Variants in OR10Q1 observed in about 807,000 individuals in gnomAD.
OR10Q1 encodes the protein olfactory receptor family 10 subfamily Q member 1, also known as olfactory receptor 10Q1.
For missense variants in OR10Q1, 435 were observed against 414.0 expected (o/e 1.05, Z -0.44); for synonymous variants, 211 against 180.5 (o/e 1.17, Z -1.35).
In OR10Q1 at chr11:58,228,040, A is replaced by G; in HGVS notation, c.836T>C (p.Ile279Thr). 1 of 1,614,084 alleles carries G rather than the reference A, an allele frequency of 6.2e-7. No individual in the cohort carries two copies. The highest frequency in any genetic ancestry group is 8.5e-7 in the Non-Finnish European group (1 of 1,180,036). Reference sequence around the variant, plus strand: ...GGTGACAAAGGTGTAGACCAACGCGATTTGGCTGTCCTCATCCTCTGAGGT... The same window carrying G: ...GGTGACAAAGGTGTAGACCAACGCGGTTTGGCTGTCCTCATCCTCTGAGGT... ...SSTSEDEDSQ[I>T]ALVYTFVTPL... The change falls in exon 1 of 1, where the codon ATC (isoleucine) becomes ACC (threonine). Residue 279 changes from isoleucine (I) to threonine (T), a missense_variant. Physicochemically the swap from Ile to Thr is moderately conservative, Grantham distance 89. Transcript: ENST00000316770.
At position 58,228,650 on chromosome 11, in the gene OR10Q1, AG is replaced by A; in HGVS notation, c.225del (p.Cys76AlafsTer6). The A allele has an allele frequency of 6.2e-7, 1 of 1,614,178 alleles. No homozygotes were observed. The highest frequency in any genetic ancestry group is 2.2e-5 in the East Asian group (1 of 44,852). On this transcript the variant is annotated frameshift_variant, in exon 1 of 1. Coordinates refer to ENST00000316770, the MANE Select transcript of OR10Q1 (RefSeq NM_001004471.2). LOFTEE classifies it low-confidence loss of function (END_TRUNC). ...FFLSNLSFLE[L>X]CYTTVVVPLM... ...AAGGGTACTACCACGGTGGTGTAGC[AG>A]AGTTCCAGGAAAGACAGGTTGGACA... is the stretch of plus-strand genomic sequence containing the variant.
Position 58,227,964 on chromosome 11 carries a change from A to C in OR10Q1, c.912T>G (p.Gly304=), listed in dbSNP as rs1458407692. The C allele has an allele frequency of 1.9e-6, 3 of 1,614,060 alleles. No individual in the cohort carries two copies. The highest frequency in any genetic ancestry group is 2.5e-6 in the Non-Finnish European group (3 of 1,179,982). ...LYSLRNKDVK[G]ALRSAIIRKA... ...TACGGATAATGGCACTCCTCAGAGC[A>C]CCTTTGACATCCTTGTTCCTAAGGC... Residue 304 remains glycine, a synonymous_variant, in exon 1 of 1, where the codon GGT becomes GGG. Coordinates refer to ENST00000316770, the MANE Select transcript of OR10Q1 (RefSeq NM_001004471.2).
Position 58,228,723 on chromosome 11 carries a change from C to A in OR10Q1, c.153G>T (p.Trp51Cys). 1 of 1,613,718 alleles carries A rather than the reference C, an allele frequency of 6.2e-7. No individual in the cohort carries two copies. ...MILCGNTAII[W>C]VVCTHSTLRT... ...GGAGGGTGCTGTGTGTGCACACCAC[C>A]CAGATGATGGCTGTGTTGCCACAGA... Residue 51 changes from tryptophan (W) to cysteine (C), a missense_variant, in exon 1 of 1, where the codon TGG becomes TGT. Trp to Cys is a radical substitution (Grantham distance 215). Coordinates refer to ENST00000316770, the MANE Select transcript of OR10Q1 (RefSeq NM_001004471.2).
Position 58,228,462 on chromosome 11 carries a change from G to A in OR10Q1, c.414C>T (p.Leu138=). 2 of 1,614,186 alleles carry A rather than the reference G, an allele frequency of 1.2e-6. No homozygotes were observed. The highest frequency in any genetic ancestry group is 1.7e-6 in the Non-Finnish European group (2 of 1,180,036). ...VAICHPLHYT[L]IMTRELCTQM... is the part of the protein sequence containing the mutation. ...GCGTGCACAGCTCGCGGGTCATGAT[G>A]AGGGTGTAGTGCAGCGGGTGGCAGA... The change falls in exon 1 of 1, where the codon CTC becomes CTT. Residue 138 remains leucine, a synonymous_variant. Coordinates refer to ENST00000316770, the MANE Select transcript of OR10Q1 (RefSeq NM_001004471.2).
rs1174140423 is a variant in OR10Q1, at chr11:58,228,715, C to G, written c.161G>C (p.Cys54Ser). The G allele has an allele frequency of 6.2e-7, 1 of 1,613,884 alleles. No individual in the cohort carries two copies. The highest frequency in any genetic ancestry group is 8.5e-7 in the Non-Finnish European group (1 of 1,179,998). ...CGNTAIIWVV[C>S]THSTLRTPMY... ...CGGGGTGCGGAGGGTGCTGTGTGTGCACACCACCCAGATGATGGCTGTGTT... is the reference window on the plus strand; with the variant it reads ...CGGGGTGCGGAGGGTGCTGTGTGTGGACACCACCCAGATGATGGCTGTGTT... The change falls in exon 1 of 1, where the codon TGC becomes TCC. Residue 54 changes from cysteine to serine, a missense_variant. Cys to Ser is a moderately radical substitution (Grantham distance 112). Coordinates refer to ENST00000316770, the MANE Select transcript of OR10Q1 (RefSeq NM_001004471.2).
Position 58,228,726 on chromosome 11 carries a change from G to A in OR10Q1, c.150C>T (p.Ile50=). 13 of 1,614,022 alleles carry A rather than the reference G, an allele frequency of 8.1e-6. No individual in the cohort carries two copies. The highest frequency in any genetic ancestry group is 1.1e-5 in the Non-Finnish European group (13 of 1,180,026). Residue 50 remains isoleucine (I), a synonymous_variant, in exon 1 of 1, where the codon ATC becomes ATT. Transcript: ENST00000316770. ...GGGTGCTGTGTGTGCACACCACCCA[G>A]ATGATGGCTGTGTTGCCACAGAGGA... ...LMILCGNTAI[I]WVVCTHSTLR...
Position 58,228,063 on chromosome 11 carries a change from G to A in OR10Q1, c.813C>T (p.Thr271=). ...CGATTTGGCTGTCCTCATCCTCTGA[G>A]GTGCTGGACCGAGGACGCAGGTACA... is the stretch of plus-strand genomic sequence containing the variant. ...SLVYLRPRSS[T]SEDEDSQIAL... The change falls in exon 1 of 1, where the codon ACC becomes ACT. Residue 271 remains threonine, a synonymous_variant. Coordinates refer to ENST00000316770, the MANE Select transcript of OR10Q1 (RefSeq NM_001004471.2). 6.2e-7 allele frequency: 1 copy of A among 1,614,192 alleles called. No homozygotes were observed. The highest frequency in any genetic ancestry group is 8.5e-7 in the Non-Finnish European group (1 of 1,180,032).
Position 58,228,412 on chromosome 11 carries a change from A to G in OR10Q1, c.464T>C (p.Leu155Pro). Residue 155 changes from leucine (L) to proline (P), a missense_variant, in exon 1 of 1, where the codon CTG becomes CCG. By Grantham distance (98) the Leu-to-Pro change is moderately conservative (BLOSUM62 -3). Coordinates refer to ENST00000316770, the MANE Select transcript of OR10Q1 (RefSeq NM_001004471.2). ...GAGCTGCAGGGAGGGGAAGAGGGCC[A>G]GGCCCAGGGCCCCACCCAGCATCTG... ...CTQMLGGALG[L>P]ALFPSLQLTA... 6.2e-7 allele frequency: 1 copy of G among 1,614,080 alleles called. No homozygotes were observed. The highest frequency in any genetic ancestry group is 8.5e-7 in the Non-Finnish European group (1 of 1,180,014).
At position 58,228,661 on chromosome 11, in the gene OR10Q1, A is replaced by T. The variant is rs1224149603; in HGVS notation, c.215T>A (p.Phe72Tyr). 1 of 1,614,002 alleles carries T rather than the reference A, an allele frequency of 6.2e-7. No individual in the cohort carries two copies. The highest frequency in any genetic ancestry group is 1.7e-5 in the Admixed American group (1 of 59,996). Reference protein sequence around the residue: ...PMYFFLSNLSFLELCYTTVVV... With the variant: ...PMYFFLSNLSYLELCYTTVVV... ...CACGGTGGTGTAGCAGAGTTCCAGG[A>T]AAGACAGGTTGGACAGGAAGAAATA... The change falls in exon 1 of 1, where the codon TTC becomes TAC. Residue 72 changes from phenylalanine (F) to tyrosine (Y), a missense_variant. Physicochemically the swap from Phe to Tyr is conservative, Grantham distance 22. Coordinates refer to ENST00000316770, the MANE Select transcript of OR10Q1 (RefSeq NM_001004471.2).
At position 58,228,600 on chromosome 11, in the gene OR10Q1, G is replaced by A. The variant is rs776120028; in HGVS notation, c.276C>T (p.Ala92=). 3 of 1,614,148 alleles carry A rather than the reference G, an allele frequency of 1.9e-6. No homozygotes were observed. The highest frequency in any genetic ancestry group is 1.1e-5 in the South Asian group (1 of 91,072). The change falls in exon 1 of 1, where the codon GCC becomes GCT. Residue 92 remains alanine, a synonymous_variant. Coordinates refer to ENST00000316770, the MANE Select transcript of OR10Q1 (RefSeq NM_001004471.2). The part of the protein sequence containing the change: ...VPLMLSNILG[A]QKPISLAGCG... ...ATCCAGCCAACGAAATGGGCTTCTGGGCCCCCAAAATGTTGGAAAGCATCA... is the reference window on the plus strand; with the variant it reads ...ATCCAGCCAACGAAATGGGCTTCTGAGCCCCCAAAATGTTGGAAAGCATCA...
In OR10Q1 at chr11:58,228,236, T is replaced by C. The variant is rs752193747; in HGVS notation, c.640A>G (p.Ile214Val). ...LYVVSILVLTIPFLLICVSYV... is the reference protein window; with the variant it reads ...LYVVSILVLTVPFLLICVSYV... Reference sequence around the variant, plus strand: ...GAGACGCAGATGAGCAGGAAGGGGATGGTCAGCACGAGGATGCTCACGACA... The same window carrying C: ...GAGACGCAGATGAGCAGGAAGGGGACGGTCAGCACGAGGATGCTCACGACA... The change falls in exon 1 of 1, where the codon ATC (isoleucine) becomes GTC (valine). Residue 214 changes from isoleucine (I) to valine (V), a missense_variant. Physicochemically the swap from Ile to Val is conservative, Grantham distance 29. Coordinates refer to ENST00000316770, the MANE Select transcript of OR10Q1 (RefSeq NM_001004471.2). The C allele has an allele frequency of 8.0e-5, 129 of 1,613,696 alleles. No individual in the cohort carries two copies. The highest frequency in any genetic ancestry group is 1.0e-4 in the Non-Finnish European group (120 of 1,180,016).
In OR10Q1 at chr11:58,228,165, C is replaced by T. The variant is rs545991565; in HGVS notation, c.711G>A (p.Glu237=). 1.4e-5 allele frequency: 22 copies of T among 1,614,094 alleles called. No individual in the cohort carries two copies. Among genetic ancestry groups the T allele is most frequent in the Non-Finnish European group, 1.8e-5 (21 of 1,180,010 alleles). ...TCAILSIRSA[E]GRRRAFSTCS... ...AGGTGGAGAAGGCCCGGCGGCGGCCCTCGGCAGAACGGATGCTCAGGATGG... is the reference window on the plus strand; with the variant it reads ...AGGTGGAGAAGGCCCGGCGGCGGCCTTCGGCAGAACGGATGCTCAGGATGG... Residue 237 remains glutamate, a synonymous_variant, in exon 1 of 1, where the codon GAG becomes GAA. Transcript: ENST00000316770.
At position 58,227,899 on chromosome 11, in the gene OR10Q1, C is replaced by T. The variant is rs1853103363; in HGVS notation, c.*17G>A. The T allele has an allele frequency of 6.3e-7, 1 of 1,594,726 alleles. No homozygotes were observed. The highest frequency in any genetic ancestry group is 8.6e-7 in the Non-Finnish European group (1 of 1,168,506). ...ACACAGCAACAGACAGACACCCAGC[C>T]CAGTGCCCCTAAGCCTTCAGTTGGC... On this transcript the variant is annotated 3_prime_UTR_variant, in exon 1 of 1. Transcript: ENST00000316770.
Position 58,228,587 on chromosome 11 carries a change from A to G in OR10Q1, c.289T>C (p.Ser97Pro). 1 of 1,614,188 alleles carries G rather than the reference A, an allele frequency of 6.2e-7. No homozygotes were observed. Among genetic ancestry groups the G allele is most frequent in the Non-Finnish European group, 8.5e-7 (1 of 1,180,038 alleles). Residue 97 changes from serine (S) to proline (P), a missense_variant, in exon 1 of 1, where the codon TCG becomes CCG. Transcript: ENST00000316770. ...ATTTGGGCCCCACATCCAGCCAACGAAATGGGCTTCTGGGCCCCCAAAATG... is the reference window on the plus strand; with the variant it reads ...ATTTGGGCCCCACATCCAGCCAACGGAATGGGCTTCTGGGCCCCCAAAATG... Reference protein sequence around the residue: ...SNILGAQKPISLAGCGAQMFF... With the variant: ...SNILGAQKPIPLAGCGAQMFF...
Position 58,228,733 on chromosome 11 carries a change from G to C in OR10Q1, c.143C>G (p.Ala48Gly). 6.2e-7 allele frequency: 1 copy of C among 1,613,914 alleles called. No individual in the cohort carries two copies. Among genetic ancestry groups the C allele is most frequent in the Non-Finnish European group, 8.5e-7 (1 of 1,179,978 alleles). The change falls in exon 1 of 1, where the codon GCC becomes GGC. Residue 48 changes from alanine to glycine, a missense_variant. Ala to Gly is a moderately conservative substitution (Grantham distance 60). Transcript: ENST00000316770. Reference protein sequence around the residue: ...LYLMILCGNTAIIWVVCTHST... With the variant: ...LYLMILCGNTGIIWVVCTHST... The stretch of plus-strand genomic sequence containing the variant: ...GTGTGTGCACACCACCCAGATGATG[G>C]CTGTGTTGCCACAGAGGATCATCAA...
chr11:58,228,135 G>A lies in OR10Q1; in HGVS notation c.741C>T (p.Ser247=). The change falls in exon 1 of 1, where the codon TCC becomes TCT. Residue 247 remains serine, a synonymous_variant. Transcript: ENST00000316770. Reference sequence around the variant, plus strand: ...GCAGCAGGACCACGGTGAGGTGGAAGGAGCAGGTGGAGAAGGCCCGGCGGC... The same window carrying A: ...GCAGCAGGACCACGGTGAGGTGGAAAGAGCAGGTGGAGAAGGCCCGGCGGC... ...EGRRRAFSTC[S]FHLTVVLLQY... 8 of 1,614,208 alleles carry A rather than the reference G, an allele frequency of 5.0e-6. No individual in the cohort carries two copies. The highest frequency in any genetic ancestry group is 6.8e-6 in the Non-Finnish European group (8 of 1,180,042).
In OR10Q1 at chr11:58,228,079, C is replaced by T. The variant is rs1276598956; in HGVS notation, c.797G>A (p.Arg266His). ...QYGCCSLVYL[R>H]PRSSTSEDED... ...ATCCTCTGAGGTGCTGGACCGAGGA[C>T]GCAGGTACACGAGGCTGCAGCAGCC... Residue 266 changes from arginine to histidine, a missense_variant, in exon 1 of 1, where the codon CGT becomes CAT. Physicochemically the swap from Arg to His is conservative, Grantham distance 29. Coordinates refer to ENST00000316770, the MANE Select transcript of OR10Q1 (RefSeq NM_001004471.2). 8 of 1,613,980 alleles carry T rather than the reference C, an allele frequency of 5.0e-6. No individual in the cohort carries two copies. The highest frequency in any genetic ancestry group is 2.7e-5 in the African/African-American group (2 of 74,860).
Position 58,228,477 on chromosome 11 carries a change from C to T in OR10Q1, c.399G>A (p.Pro133=), listed in dbSNP as rs1853116815. The T allele has an allele frequency of 1.9e-6, 3 of 1,613,996 alleles. No individual in the cohort carries two copies. Among genetic ancestry groups the T allele is most frequent in the South Asian group, 1.1e-5 (1 of 91,068 alleles). ...AYDRYVAICH[P]LHYTLIMTRE... Reference sequence around the variant, plus strand: ...GGGTCATGATGAGGGTGTAGTGCAGCGGGTGGCAGATAGCCACATAGCGGT... The same window carrying T: ...GGGTCATGATGAGGGTGTAGTGCAGTGGGTGGCAGATAGCCACATAGCGGT... Residue 133 remains proline (P), a synonymous_variant, in exon 1 of 1, where the codon CCG becomes CCA. Transcript: ENST00000316770.
chr11:58,228,892 T>C lies in OR10Q1; in HGVS notation c.-17A>G, dbSNP rs1284662083. Reference sequence around the variant, plus strand: ...CACAGGCATGTCTTATGCAAAAGAATAGGACGCGCTGAGCTCTTCTTGGCT... The same window carrying C: ...CACAGGCATGTCTTATGCAAAAGAACAGGACGCGCTGAGCTCTTCTTGGCT... On this transcript the variant is annotated 5_prime_UTR_variant, in exon 1 of 1. Coordinates refer to ENST00000316770, the MANE Select transcript of OR10Q1 (RefSeq NM_001004471.2). 3 of 1,610,368 alleles carry C rather than the reference T, an allele frequency of 1.9e-6. No individual in the cohort carries two copies. The highest frequency in any genetic ancestry group is 2.2e-5 in the East Asian group (1 of 44,804).
Sources: allele counts gnomAD v4.1 joint callset, GRCh38; gene constraint gnomAD v4.1.1; transcripts MANE v1.5; gene names NCBI Gene and HGNC (gene_info 2026-07-23, HGNC 2026-07-21).